The following FAM168A variants were observed in gnomAD, a reference collection of about 807,000 sequenced individuals.
FAM168A encodes family with sequence similarity 168 member A.
In FAM168A, 3 loss-of-function variants were observed where a neutral mutation model predicts 28.5. The observed-to-expected ratio is 0.11, with a 90% confidence interval of 0.05 to 0.27. The LOEUF is 0.27. FAM168A is among the 10% of genes least tolerant of loss of function. FAM168A has a pLI of 1.00. For synonymous variants in FAM168A, 122 were observed against 124.2 expected, an observed-to-expected ratio of 0.98 and a Z score of 0.12; for missense variants, 222 against 311.5, an observed-to-expected ratio of 0.71 and a Z score of 2.16.
intron 2 of FAM168A, among the ~76,000 whole-genome samples, chr11:73,448,349 T>C (rs1035002113): frequency 5.9e-5 from 9 of 152,186 alleles, no homozygotes; most frequent in Non-Finnish European, 1.0e-4. Flanking sequence ...CCCAGCCCCA[T>C]GTATCAAGTA....
chr11:73,445,677 A>G (rs1394330154), intron 2 of FAM168A, among the ~76,000 whole-genome samples: 1 of 152,046 alleles, frequency 6.6e-6, no homozygotes, highest in Non-Finnish European at 1.5e-5. Context: ...TGCAACATGC[A>G]CACCAGGACA....
chr11:73,544,835 A>C (rs1390684564), intron 1 of FAM168A, among the ~76,000 whole-genome samples: 17 of 93,984 alleles, frequency 1.8e-4, no homozygotes, highest in African/African-American at 1.0e-3. Flanking sequence ...TATTATATAT[A>C]ATATATATTA....
chr11:73,594,186 T>C (rs531961611), intron 1 of FAM168A, among the ~76,000 whole-genome samples: 2 of 152,222 alleles, frequency 1.3e-5, no homozygotes, highest in East Asian at 3.9e-4. Flanking sequence ...ACTGCAGCCT[T>C]GACCTCCCTG....
rs1866527762 is a variant in FAM168A at position 73,407,503 on chromosome 11, C to T, written c.*18+10G>A. On this transcript the variant is annotated intron_variant, in intron 7 of 7. Coordinates refer to ENST00000356467, the MANE Select transcript of FAM168A (RefSeq NM_015159.3). Reference sequence around the variant, plus strand: ...CCCCCTCCCACTTCTCTCACCCTGGCCACACTCACTTGGATGGGCTGCAGG... The same window carrying T: ...CCCCCTCCCACTTCTCTCACCCTGGTCACACTCACTTGGATGGGCTGCAGG... The T allele has an allele frequency of 5.2e-6, 8 of 1,534,876 alleles. No homozygotes were observed. Among genetic ancestry groups the T allele is most frequent in the African/African-American group, 2.9e-5 (2 of 70,000 alleles).
chr11:73,535,810 C>T (rs1051730862), intron 1 of FAM168A, among the ~76,000 whole-genome samples: 2 of 150,396 alleles, frequency 1.3e-5, no homozygotes, highest in East Asian at 3.9e-4. Context: ...ATCCTCCCAC[C>T]TTGGCCTCCC....
At chr11:73,513,409 G>T (rs766124119) in intron 1 of FAM168A, among the ~76,000 whole-genome samples, 1 of 150,928 alleles carries the variant, frequency 6.6e-6, no homozygotes, top group Non-Finnish European at 1.5e-5. Flanking sequence ...GTAGAGATGG[G>T]ATGTCACCAT....
At chr11:73,514,752 G>T (rs373555243) in intron 1 of FAM168A, among the ~76,000 whole-genome samples, 3 of 152,116 alleles carry the variant, frequency 2.0e-5, no homozygotes, top group African/African-American at 7.2e-5. Flanking sequence ...AAGATCACCT[G>T]AACCCAGGAG....
At chr11:73,550,512 A>G (rs774006434) in intron 1 of FAM168A, among the ~76,000 whole-genome samples, 24 of 151,990 alleles carry the variant, frequency 1.6e-4, no homozygotes, top group Non-Finnish European at 2.6e-4. Flanking sequence ...AAAATTAGCC[A>G]GGTGTGGTGG....
chr11:73,410,007 C>T (rs144372979), intron 5 of FAM168A, among the ~76,000 whole-genome samples: 1 of 151,942 alleles, frequency 6.6e-6, no homozygotes, highest in Non-Finnish European at 1.5e-5. Flanking sequence ...AGTTACCAAG[C>T]ATGTGAACAG....
At chr11:73,536,755 T>C (rs112165703) in intron 1 of FAM168A, among the ~76,000 whole-genome samples, 2 of 152,090 alleles carry the variant, frequency 1.3e-5, no homozygotes, top group South Asian at 2.1e-4. Flanking sequence ...ATTCACTTCA[T>C]AGGGGCAAGA....
intron 2 of FAM168A, among the ~76,000 whole-genome samples, chr11:73,445,419 C>CTCTCTCTTTTTTTT (rs776745757): frequency 2.0e-5 from 1 of 50,432 alleles, no homozygotes; most frequent in African/African-American, 7.1e-5. Flanking sequence ...AAAAATGTCT[C>CTCTCTCTTTTTTTT]TTTTTTTTTT....
At chr11:73,430,806 CAAAAA>C in intron 2 of FAM168A, 36 bp from the exon 3 acceptor site, 2 of 1,430,220 alleles carry the variant, frequency 1.4e-6, no homozygotes, top group South Asian at 2.5e-5. Flanking sequence ...TTTAGTTAGG[CAAAAA>C]AAACAAAACA....
At chr11:73,451,026 C>T (rs1475351413) in intron 2 of FAM168A, among the ~76,000 whole-genome samples, 10 of 152,174 alleles carry the variant, frequency 6.6e-5, no homozygotes, top group Admixed American at 3.3e-4. Context: ...AGGATGGAGA[C>T]GAGTGTGTGC....
chr11:73,546,177 CAA>C, intron 1 of FAM168A, among the ~76,000 whole-genome samples: 1 of 152,208 alleles, frequency 6.6e-6, no homozygotes, highest in Admixed American at 6.5e-5. Flanking sequence ...GAATGTTTGC[CAA>C]AGTTATATAT....
At chr11:73,505,230 T>C (rs1855084915) in intron 1 of FAM168A, among the ~76,000 whole-genome samples, 2 of 147,546 alleles carry the variant, frequency 1.4e-5, no homozygotes, top group Admixed American at 6.6e-5. Context: ...GTCATGGAGT[T>C]TTGCAAAAAG....
At position 73,433,076 on chromosome 11, in the gene FAM168A, C is replaced by CTTTTTTTTTTTTT. The variant is rs34994742; in HGVS notation, c.71-2319_71-2307dup. 1.9e-4 allele frequency among the ~76,000 whole-genome samples: 15 copies of CTTTTTTTTTTTTT among 80,602 alleles called. 1 individual carries two copies. The highest frequency in any genetic ancestry group is 1.0e-3 in the African/African-American group (15 of 14,700). 52.9% of individuals were successfully genotyped at this position (80,602 alleles called of 152,430 possible). The stretch of plus-strand genomic sequence containing the variant: ...ACAGGTGCGTGCCACCACGCCCCGC[C>CTTTTTTTTTTTTT]TTTTTTTTTTTTTTTTTTTTTTTTT... On this transcript the variant is annotated intron_variant, in intron 2 of 7. Transcript: ENST00000356467.
chr11:73,563,671 T>C (rs1055625590), intron 1 of FAM168A, among the ~76,000 whole-genome samples: 9 of 152,248 alleles, frequency 5.9e-5, no homozygotes, highest in African/African-American at 1.7e-4. Context: ...TTCCTTCTAT[T>C]AACTCACAAC....
chr11:73,478,635 A>C (rs1453880271), intron 1 of FAM168A, among the ~76,000 whole-genome samples: 2 of 152,244 alleles, frequency 1.3e-5, no homozygotes, highest in Non-Finnish European at 2.9e-5. Flanking sequence ...TACTAAAAAT[A>C]CAAATTGTTG....
chr11:73,553,097 G>C (rs1211186389), intron 1 of FAM168A, among the ~76,000 whole-genome samples: 1 of 152,136 alleles, frequency 6.6e-6, no homozygotes, highest in Non-Finnish European at 1.5e-5. Flanking sequence ...TGATAAGAAA[G>C]GGAGTTATTA....
Sources: allele counts gnomAD v4.1 joint callset (sites outside exome capture counted in the v4.1 genomes callset), GRCh38; gene constraint gnomAD v4.1.1; transcripts MANE v1.5; gene names NCBI Gene and HGNC (gene_info 2026-07-23, HGNC 2026-07-21).